Variants in SCD5 observed in about 807,000 individuals in gnomAD.
The protein encoded by SCD5 is acyl-CoA-desaturase 4.
Under a neutral mutation model 30.4 loss-of-function variants are expected in SCD5, and 20 were observed. The observed-to-expected ratio is 0.66, with a 90% CI of 0.46 to 0.96. The LOEUF is 0.96. Among genes scored for constraint, SCD5 ranks in the 40% least tolerant of loss-of-function variants. SCD5 has a pLI of 0.00. For synonymous variants in SCD5, 173 were observed against 176.4 expected (o/e 0.98, Z 0.16); for missense variants, 381 against 443.3 (o/e 0.86, Z 1.26).
rs1169578415 is a variant in SCD5, at chr4:82,680,853, A to G, written c.423T>C (p.Asp141=). The G allele has an allele frequency of 6.2e-7, 1 of 1,613,460 alleles. No individual in the cohort carries two copies. The highest frequency in any genetic ancestry group is 1.3e-5 in the African/African-American group (1 of 74,718). ...CCCGGCGGGCATTGTGGGGGTCAGCATCCGTCTCTGAGTACTTGTGGTGGG... is the reference window on the plus strand; with the variant it reads ...CCCGGCGGGCATTGTGGGGGTCAGCGTCCGTCTCTGAGTACTTGTGGTGGG... The part of the protein sequence containing the change: ...HRAHHKYSET[D]ADPHNARRGF... Residue 141 remains aspartate, a synonymous_variant, in exon 3 of 5, where the codon GAT becomes GAC. Transcript: ENST00000319540.
intron 1 of SCD5, among the ~76,000 whole-genome samples, chr4:82,779,652 A>G (rs1560561339): frequency 6.6e-6 from 1 of 152,170 alleles, no homozygotes; most frequent in Non-Finnish European, 1.5e-5. Flanking sequence ...GAACAACCTC[A>G]TGCAAACCCT....
chr4:82,649,220 T>A lies in SCD5; in HGVS notation c.570-12397A>T, dbSNP rs964494431. Among the ~76,000 whole-genome samples the A allele has an allele frequency of 1.6e-4, 24 of 145,814 alleles. 1 individual carries two copies. Among genetic ancestry groups the A allele is most frequent in the East Asian group, 4.2e-4 (2 of 4,796 alleles). Reference sequence around the variant, plus strand: ...GTGTGTGTGTGTGTGTGTGTGTGTGTGAGATTCTTCACCTTAGAGGCAGTT... The same window carrying A: ...GTGTGTGTGTGTGTGTGTGTGTGTGAGAGATTCTTCACCTTAGAGGCAGTT... On this transcript the variant is annotated intron_variant, in intron 3 of 4. Coordinates refer to ENST00000319540, the MANE Select transcript of SCD5 (RefSeq NM_001037582.3).
At position 82,650,850 on chromosome 4, in the gene SCD5, TA is replaced by T. The variant is rs553554263; in HGVS notation, c.570-14028del. ...TGTTAATTATATATAAGATTACATA[TA>T]AAATATATGCATATTTGTTAATATA... On this transcript the variant is annotated intron_variant, in intron 3 of 4. Coordinates refer to ENST00000319540, the MANE Select transcript of SCD5 (RefSeq NM_001037582.3). Among the ~76,000 whole-genome samples the T allele has an allele frequency of 3.5e-3, 526 of 151,744 alleles. 3 individuals are homozygous for T. Among genetic ancestry groups the T allele is most frequent in the African/African-American group, 0.012 (504 of 41,400 alleles).
rs1560566870 is a variant in SCD5, at chr4:82,798,359, G to A, written c.179C>T (p.Ala60Val). 1 of 1,613,334 alleles carries A rather than the reference G, an allele frequency of 6.2e-7. No homozygotes were observed. Among genetic ancestry groups the A allele is most frequent in the Non-Finnish European group, 8.5e-7 (1 of 1,179,592 alleles). The change falls in exon 1 of 5, where the codon GCC becomes GTC. Residue 60 changes from alanine (A) to valine (V), a missense_variant. By Grantham distance (64) the Ala-to-Val change is moderately conservative (BLOSUM62 0). Transcript: ENST00000319540. ...VVLMSLLHLG[A>V]VYSLVLIPKA... Reference sequence around the variant, plus strand: ...GGGGATGAGCACCAGGGAGTACACGGCCCCCAAGTGGAGCAAGCTCATCAG... The same window carrying A: ...GGGGATGAGCACCAGGGAGTACACGACCCCCAAGTGGAGCAAGCTCATCAG...
intron 4 of SCD5, among the ~76,000 whole-genome samples, chr4:82,635,876 T>C (rs1727418636): frequency 6.6e-6 from 1 of 152,134 alleles, no homozygotes; most frequent in African/African-American, 2.4e-5. Flanking sequence ...TCCCGTGAAA[T>C]GCCAAGTCTC....
intron 3 of SCD5, among the ~76,000 whole-genome samples, chr4:82,642,816 A>G (rs1727571688): frequency 6.6e-6 from 1 of 152,116 alleles, no homozygotes; most frequent in African/African-American, 2.4e-5. Context: ...GGGCATTTCT[A>G]TTTTTAAAGC....
chr4:82,634,105 C>T (rs1422419467), intron 4 of SCD5, among the ~76,000 whole-genome samples: 4 of 152,144 alleles, frequency 2.6e-5, no homozygotes, highest in East Asian at 3.8e-4. Flanking sequence ...TATTGCCAAA[C>T]GGTATTTCAT....
intron 1 of SCD5, chr4:82,753,478 C>G (rs746327997): frequency 4.1e-6 from 2 of 482,134 alleles, no homozygotes; most frequent in African/African-American, 4.0e-5. Context: ...TGGACTCTGA[C>G]AGTGATAGTG....
intron 3 of SCD5, among the ~76,000 whole-genome samples, chr4:82,680,008 C>T (rs1337135676): frequency 1.3e-5 from 2 of 152,182 alleles, no homozygotes; most frequent in Non-Finnish European, 2.9e-5. Flanking sequence ...GTGCTACAAG[C>T]TCATCACAGC....
intron 2 of SCD5, among the ~76,000 whole-genome samples, chr4:82,701,424 A>G (rs1437700340): frequency 6.6e-6 from 1 of 152,176 alleles, no homozygotes; most frequent in Non-Finnish European, 1.5e-5. Flanking sequence ...AACTTGGTAG[A>G]TATTAGTCCA....
In SCD5 at chr4:82,678,091, A is replaced by G. The variant is rs538904821; in HGVS notation, c.569+2616T>C. ...CAACTAGGGGTGACCTCTATAGTTT[A>G]GAACGTGTTCTAAACTATAGTTCTG... is the stretch of plus-strand genomic sequence containing the variant. On this transcript the variant is annotated intron_variant, in intron 3 of 4. Transcript: ENST00000319540. 1.4e-4 allele frequency among the ~76,000 whole-genome samples: 22 copies of G among 152,208 alleles called. 1 individual carries two copies. The East Asian group carries it at 4.1e-3, about 28-fold the overall frequency.
At chr4:82,775,227 T>TC (rs1449393307) in intron 1 of SCD5, among the ~76,000 whole-genome samples, 1 of 152,186 alleles carries the variant, frequency 6.6e-6, no homozygotes, top group Non-Finnish European at 1.5e-5. Flanking sequence ...CACAGTTGCT[T>TC]CCCTCTCCTG....
intron 1 of SCD5, among the ~76,000 whole-genome samples, chr4:82,762,710 G>C (rs1448668496): frequency 6.6e-6 from 1 of 152,228 alleles, no homozygotes; most frequent in Admixed American, 6.5e-5. Flanking sequence ...CGTGTTTGCA[G>C]GCAGTGGTTC....
intron 1 of SCD5, among the ~76,000 whole-genome samples, chr4:82,775,051 C>G (rs1350699475): frequency 6.6e-6 from 1 of 152,214 alleles, no homozygotes; most frequent in Non-Finnish European, 1.5e-5. Flanking sequence ...TTCCTCTCCC[C>G]CACAGCCTGC....
At chr4:82,696,581 T>C (rs1377086035) in intron 2 of SCD5, among the ~76,000 whole-genome samples, 3 of 152,180 alleles carry the variant, frequency 2.0e-5, no homozygotes, top group Admixed American at 6.5e-5. Flanking sequence ...GCAGACATCA[T>C]TGAGGAAAGA....
chr4:82,747,071 C>CCCCCCCCCCCG (rs562117466), intron 1 of SCD5, among the ~76,000 whole-genome samples: 6 of 103,094 alleles, frequency 5.8e-5, no homozygotes, highest in Non-Finnish European at 1.3e-4. Flanking sequence ...GGCAACCTGC[C>CCCCCCCCCCCG]CCCCAAGAAA....
At chr4:82,759,402 A>G (rs1472741650) in intron 1 of SCD5, among the ~76,000 whole-genome samples, 1 of 152,178 alleles carries the variant, frequency 6.6e-6, no homozygotes, top group Non-Finnish European at 1.5e-5. Context: ...GCCCTCCGTA[A>G]CAACAAATGG....
chr4:82,737,556 C>T (rs1560548491), intron 1 of SCD5, among the ~76,000 whole-genome samples: 1 of 152,184 alleles, frequency 6.6e-6, no homozygotes, highest in Non-Finnish European at 1.5e-5. Flanking sequence ...GTAATCCCCT[C>T]ATAAATTTTC....
chr4:82,736,388 C>T (rs977018514), intron 1 of SCD5, among the ~76,000 whole-genome samples: 1 of 151,974 alleles, frequency 6.6e-6, no homozygotes, highest in Non-Finnish European at 1.5e-5. Flanking sequence ...GCAGGTGGAT[C>T]AGCCGAGGTC....
Sources: gnomAD v4.1 joint callset for allele counts (sites outside exome capture counted in the v4.1 genomes callset) on GRCh38, gnomAD v4.1.1 for gene constraint, MANE v1.5 for transcripts, NCBI Gene and HGNC (gene_info 2026-07-23, HGNC 2026-07-21) for gene names.